The following KCNK7 variants were observed in gnomAD, a reference collection of about 807,000 sequenced individuals.
KCNK7 encodes potassium channel subfamily K member 7.
KCNK7 carries 14 observed loss-of-function variants against 18.1 expected under a neutral mutation model. The observed-to-expected ratio is 0.77, with a 90% CI of 0.51 to 1.21. The LOEUF is 1.21. Ranked by LOEUF, KCNK7 falls within the 50% of genes most tolerant of loss-of-function variation. The probability of loss-of-function intolerance (pLI) is 0.00; values close to 1 mark genes in which losing one functional copy is unlikely to be tolerated. For missense variants in KCNK7, 385 were observed against 387.3 expected (o/e 0.99, Z 0.05); for synonymous variants, 188 against 184.7 (o/e 1.02, Z -0.15).
At position 65,593,875 on chromosome 11, in the gene KCNK7, C is replaced by T. The variant is rs774083618; in HGVS notation, c.320-1G>A. ...GATAGTGGGGCCATGTGGCCATAAC[C>T]TGGAGAAGAGAGAGTCAGTGGACAG... is the stretch of plus-strand genomic sequence containing the variant. On this transcript the variant is annotated splice_acceptor_variant, in intron 1 of 2. Transcript: ENST00000340313. LOFTEE classifies it high-confidence loss of function. 30 of 1,525,578 alleles carry T rather than the reference C, an allele frequency of 2.0e-5. No homozygotes were observed. Among genetic ancestry groups the T allele is most frequent in the Non-Finnish European group, 2.6e-5 (30 of 1,137,818 alleles). 94.5% of individuals were successfully genotyped at this position (1,525,578 alleles called of 1,614,324 possible).
At chr11:65,593,429 G>A in intron 2 of KCNK7, 47 bp downstream of exon 2, 1 of 1,613,806 alleles carries the variant, frequency 6.2e-7, no homozygotes, top group South Asian at 1.1e-5. Context: ...CCTAGTCCAG[G>A]CTCCTCTTCC....
Position 65,595,639 on chromosome 11 carries a change from G to T in KCNK7, c.134C>A (p.Ala45Glu). Reference protein sequence around the residue: ...PACRLQAELRAELAAFQAEHR... With the variant: ...PACRLQAELREELAAFQAEHR... The stretch of plus-strand genomic sequence containing the variant: ...CTCTGCCTGGAAGGCTGCCAGCTCT[G>T]CCCTGAGCTCAGCCTGAAGCCTGCA... Residue 45 changes from alanine (A) to glutamate (E), a missense_variant, in exon 1 of 3, where the codon GCA (alanine) becomes GAA (glutamate). Ala to Glu is a moderately radical substitution (Grantham distance 107). Coordinates refer to ENST00000340313, the MANE Select transcript of KCNK7 (RefSeq NM_033347.2). 6.2e-7 allele frequency: 1 copy of T among 1,605,266 alleles called. No homozygotes were observed. The highest frequency in any genetic ancestry group is 1.1e-5 in the South Asian group (1 of 90,018).
rs779174037 is a variant in KCNK7 at position 65,595,616 on chromosome 11, C to G, written c.157G>C (p.Glu53Gln). The part of the protein sequence containing the change: ...LRAELAAFQA[E>Q]HRACLPPGAL... Reference sequence around the variant, plus strand: ...CCGGGTGGCAGGCAGGCCCTATGCTCTGCCTGGAAGGCTGCCAGCTCTGCC... The same window carrying G: ...CCGGGTGGCAGGCAGGCCCTATGCTGTGCCTGGAAGGCTGCCAGCTCTGCC... The change falls in exon 1 of 3, where the codon GAG (glutamate) becomes CAG (glutamine). Residue 53 changes from glutamate (E) to glutamine (Q), a missense_variant. Physicochemically the swap from Glu to Gln is conservative, Grantham distance 29. Coordinates refer to ENST00000340313, the MANE Select transcript of KCNK7 (RefSeq NM_033347.2). 1 of 1,603,616 alleles carries G rather than the reference C, an allele frequency of 6.2e-7. No homozygotes were observed.
In KCNK7 at chr11:65,593,537, C is replaced by G. The variant is rs778884610; in HGVS notation, c.657G>C (p.Leu219=). 1.1e-5 allele frequency: 18 copies of G among 1,611,546 alleles called. No individual in the cohort carries two copies. In the South Asian group the frequency reaches 2.0e-4, roughly 18 times the overall value. The change falls in exon 2 of 3, where the codon CTG becomes CTC. Residue 219 remains leucine, a synonymous_variant. Coordinates refer to ENST00000340313, the MANE Select transcript of KCNK7 (RefSeq NM_033347.2). ...SLSTIGLEDL[L]PGRGRSLHPV... ...GGTGCAGGCTGCGGCCGCGGCCGGG[C>G]AGCAAGTCCTCCAGGCCAATGGTGC...
At chr11:65,594,456 G>C (rs1245864593) in intron 1 of KCNK7, among the ~76,000 whole-genome samples, 2 of 149,914 alleles carry the variant, frequency 1.3e-5, no homozygotes, top group African/African-American at 5.0e-5. Flanking sequence ...GGTGGGGACA[G>C]GGGTACACTG....
In KCNK7 at chr11:65,595,751, A is replaced by T. The variant is rs1316491767; in HGVS notation, c.22T>A (p.Ser8Thr). The T allele has an allele frequency of 6.4e-7, 1 of 1,557,298 alleles. No individual in the cohort carries two copies. Among genetic ancestry groups the T allele is most frequent in the Non-Finnish European group, 8.7e-7 (1 of 1,144,898 alleles). Residue 8 changes from serine (S) to threonine (T), a missense_variant, in exon 1 of 3, where the codon TCC becomes ACC. Coordinates refer to ENST00000340313, the MANE Select transcript of KCNK7 (RefSeq NM_033347.2). ...GCCACAACCAGGAGCCCGTATCGGG[A>T]CCAGGGCCTTAGACCCCCCATGGCA... is the stretch of plus-strand genomic sequence containing the variant. MGGLRPWSRYGLLVVAHL... is the reference protein window; with the variant it reads MGGLRPWTRYGLLVVAHL...
chr11:65,595,593 G>C lies in KCNK7; in HGVS notation c.180C>G (p.Pro60=), dbSNP rs756198654. The change falls in exon 1 of 3, where the codon CCC becomes CCG. Residue 60 remains proline, a synonymous_variant. Coordinates refer to ENST00000340313, the MANE Select transcript of KCNK7 (RefSeq NM_033347.2). ...FQAEHRACLP[P]GALEELLGTA... is the part of the protein sequence containing the mutation. ...TGCCCAGCAGCTCTTCCAGAGCTCCGGGTGGCAGGCAGGCCCTATGCTCTG... is the reference window on the plus strand; with the variant it reads ...TGCCCAGCAGCTCTTCCAGAGCTCCCGGTGGCAGGCAGGCCCTATGCTCTG... 2 of 1,594,188 alleles carry C rather than the reference G, an allele frequency of 1.3e-6. No homozygotes were observed. Among genetic ancestry groups the C allele is most frequent in the Admixed American group, 1.7e-5 (1 of 58,410 alleles).
Position 65,593,700 on chromosome 11 carries a change from C to T in KCNK7, c.494G>A (p.Arg165Lys). The T allele has an allele frequency of 6.2e-7, 1 of 1,608,298 alleles. No homozygotes were observed. The highest frequency in any genetic ancestry group is 2.2e-5 in the East Asian group (1 of 44,830). Residue 165 changes from arginine (R) to lysine (K), a missense_variant, in exon 2 of 3, where the codon AGG (arginine) becomes AAG (lysine). Arg to Lys is a conservative substitution (Grantham distance 26, BLOSUM62 2). Transcript: ENST00000340313. ...TGCAACTGCCTGCAGCAGCGCAGCC[C>T]TGGCCGGTGACAGCTGCCAGTGGAC... ...VAVHWQLSPA[R>K]AALLQAVALG...
At chr11:65,595,337 C>G (rs745815169) in intron 1 of KCNK7, 117 bp downstream of exon 1, 1 of 928,270 alleles carries the variant, frequency 1.1e-6, no homozygotes, top group Non-Finnish European at 1.5e-6. Flanking sequence ...CCTCACAGGG[C>G]CTGGGCTCCA....
Position 65,593,913 on chromosome 11 carries a change from G to A in KCNK7, c.320-39C>T, listed in dbSNP as rs116564712. 7.7e-5 allele frequency: 116 copies of A among 1,500,796 alleles called. No homozygotes were observed. In the African/African-American group the frequency reaches 1.6e-3, roughly 20 times the overall value. The allele number at this position is 1,500,796 out of a possible 1,614,324, so 93.0% of individuals were successfully genotyped here. A position where few individuals can be genotyped will look rare whatever the true frequency, so the allele number is the denominator to read the frequency against. On this transcript the variant is annotated intron_variant, in intron 1 of 2. Coordinates refer to ENST00000340313, the MANE Select transcript of KCNK7 (RefSeq NM_033347.2). ...AGTCAGTGGACAGTGAGAGCTCTGA[G>A]TGCCATGTCTGCTGGGGTCCCTGCC...
At position 65,593,438 on chromosome 11, in the gene KCNK7, C is replaced by T. The variant is rs1331829713; in HGVS notation, c.718+38G>A. On this transcript the variant is annotated intron_variant, in intron 2 of 2. Transcript: ENST00000340313. ...GGGAGTCCTAGTCCAGGCTCCTCTT[C>T]CCCCTTCCCCCACACGCTGTTAGGT... 2.5e-6 allele frequency: 4 copies of T among 1,613,810 alleles called. No homozygotes were observed. In the South Asian group the frequency reaches 3.3e-5, roughly 13 times the overall value.
At position 65,593,251 on chromosome 11, in the gene KCNK7, T is replaced by C. The variant is rs1401463828; in HGVS notation, c.719-41A>G. On this transcript the variant is annotated intron_variant, in intron 2 of 2. Coordinates refer to ENST00000340313, the MANE Select transcript of KCNK7 (RefSeq NM_033347.2). The stretch of plus-strand genomic sequence containing the variant: ...TGCTGGGGCAGCGCCTGGGTTCTGG[T>C]GATGCTCCCCGCCCACCTCCCAGCG... 4 of 1,613,228 alleles carry C rather than the reference T, an allele frequency of 2.5e-6. No homozygotes were observed. The East Asian group carries it at 8.9e-5, about 36-fold the overall frequency.
Position 65,595,604 on chromosome 11 carries a change from A to G in KCNK7, c.169T>C (p.Cys57Arg), listed in dbSNP as rs779929937. ...LAAFQAEHRA[C>R]LPPGALEELL... is the part of the protein sequence containing the mutation. ...TCTTCCAGAGCTCCGGGTGGCAGGC[A>G]GGCCCTATGCTCTGCCTGGAAGGCT... Residue 57 changes from cysteine (C) to arginine (R), a missense_variant, in exon 1 of 3, where the codon TGC becomes CGC. Physicochemically the swap from Cys to Arg is radical, Grantham distance 180. Coordinates refer to ENST00000340313, the MANE Select transcript of KCNK7 (RefSeq NM_033347.2). 10 of 1,596,840 alleles carry G rather than the reference A, an allele frequency of 6.3e-6. No individual in the cohort carries two copies. In the East Asian group the frequency reaches 2.3e-4, roughly 36 times the overall value.
rs1394062783 is a variant in KCNK7 at position 65,592,873 on chromosome 11, T to C, written c.*132A>G. 4.8e-6 allele frequency: 5 copies of C among 1,033,688 alleles called. No individual in the cohort carries two copies. The Admixed American group carries it at 1.4e-4, about 29-fold the overall frequency. The allele number at this position is 1,033,688 out of a possible 1,614,324, so 64.0% of individuals were successfully genotyped here. The stretch of plus-strand genomic sequence containing the variant: ...GCCGAAGTCGTTGCTCATTTTATGA[T>C]TAACAGTATCCTCTGAGGCCTCCCG... On this transcript the variant is annotated 3_prime_UTR_variant, in exon 3 of 3. Transcript: ENST00000340313.
In KCNK7 at chr11:65,593,665, G is replaced by GC; in HGVS notation, c.528dup (p.Leu177AlafsTer82). The GC allele has an allele frequency of 1.2e-6, 2 of 1,605,106 alleles. No individual in the cohort carries two copies. Among genetic ancestry groups the GC allele is most frequent in the Non-Finnish European group, 1.7e-6 (2 of 1,178,954 alleles). ...AGCAGCACAAAGCTGCTGGCCACCAGCAGTCCCAGTGCAACTGCCTGCAGC... is the reference window on the plus strand; with the variant it reads ...AGCAGCACAAAGCTGCTGGCCACCAGCCAGTCCCAGTGCAACTGCCTGCAGC... On this transcript the variant is annotated frameshift_variant, in exon 2 of 3. Coordinates refer to ENST00000340313, the MANE Select transcript of KCNK7 (RefSeq NM_033347.2). LOFTEE classifies it high-confidence loss of function.
In KCNK7 at chr11:65,593,557, T is replaced by A. The variant is rs1247821296; in HGVS notation, c.637A>T (p.Ile213Phe). The change falls in exon 2 of 3, where the codon ATT (isoleucine) becomes TTT (phenylalanine). Residue 213 changes from isoleucine to phenylalanine, a missense_variant. Physicochemically the swap from Ile to Phe is conservative, Grantham distance 21. Coordinates refer to ENST00000340313, the MANE Select transcript of KCNK7 (RefSeq NM_033347.2). ...VYFCFSSLST[I>F]GLEDLLPGRG... ...CCGGGCAGCAAGTCCTCCAGGCCAA[T>A]GGTGCTGAGCGAGCTGAAGCAGAAG... 1.2e-6 allele frequency: 2 copies of A among 1,609,972 alleles called. No individual in the cohort carries two copies. The highest frequency in any genetic ancestry group is 2.2e-5 in the East Asian group (1 of 44,890).
At chr11:65,594,720 A>C (rs1412193773) in intron 1 of KCNK7, among the ~76,000 whole-genome samples, 1 of 152,042 alleles carries the variant, frequency 6.6e-6, no homozygotes, top group Non-Finnish European at 1.5e-5. Context: ...AAACACAAAA[A>C]TTAGCCGGGC....
In KCNK7 at chr11:65,593,219, G is replaced by T. The variant is rs1314426578; in HGVS notation, c.719-9C>A. ...TCCTAGAAGCAAGTAACCTGGGGAG[G>T]AGAAGGTGCTGGGGCAGCGCCTGGG... On this transcript the variant is annotated splice_polypyrimidine_tract_variant and intron_variant, in intron 2 of 2. Transcript: ENST00000340313. 4 of 1,612,892 alleles carry T rather than the reference G, an allele frequency of 2.5e-6. No homozygotes were observed. Among genetic ancestry groups the T allele is most frequent in the Middle Eastern group, 1.6e-4 (1 of 6,080 alleles).
At chr11:65,594,091 A>C (rs1854297172) in intron 1 of KCNK7, among the ~76,000 whole-genome samples, 1 of 152,252 alleles carries the variant, frequency 6.6e-6, no homozygotes, top group Non-Finnish European at 1.5e-5. Context: ...GGATGAAAGA[A>C]GACAGTTCCT....
Sources: allele counts gnomAD v4.1 joint callset (sites outside exome capture counted in the v4.1 genomes callset), GRCh38; gene constraint gnomAD v4.1.1; transcripts MANE v1.5; gene names NCBI Gene and HGNC (gene_info 2026-07-23, HGNC 2026-07-21).